PRPSAP1: variants seen among roughly 807,000 people sequenced by gnomAD.
The protein encoded by PRPSAP1 is phosphoribosyl pyrophosphate synthetase associated protein 1.
In PRPSAP1, 31 loss-of-function variants were observed where a neutral mutation model predicts 39.4. That is an observed-to-expected ratio of 0.79 (90% CI 0.59 to 1.06). PRPSAP1 has a LOEUF of 1.06. Among genes scored for constraint, PRPSAP1 ranks in the 50% least tolerant of loss-of-function variants. PRPSAP1 has a pLI of 0.00. For missense variants in PRPSAP1, 430 were observed against 511.6 expected (o/e 0.84, Z 1.54); for synonymous variants, 212 against 192.6 (o/e 1.10, Z -0.83).
At chr17:76,335,491 G>C (rs1301699189) in intron 3 of PRPSAP1, among the ~76,000 whole-genome samples, 1 of 152,076 alleles carries the variant, frequency 6.6e-6, no homozygotes, top group Non-Finnish European at 1.5e-5. Flanking sequence ...AAGTAGCGGG[G>C]ATTACAGGCA....
At chr17:76,337,545 G>A (rs1477816637) in intron 3 of PRPSAP1, 1 of 152,224 alleles carries the variant, frequency 6.6e-6, no homozygotes, top group African/African-American at 2.4e-5. Context: ...GAAGTAATGG[G>A]GGAGAATTTA....
chr17:76,318,326 T>C (rs888154237), intron 7 of PRPSAP1, among the ~76,000 whole-genome samples: 4 of 152,104 alleles, frequency 2.6e-5, no homozygotes, highest in African/African-American at 9.7e-5. Context: ...GTCAAGCACC[T>C]GTAATCCCAG....
In PRPSAP1 at chr17:76,328,799, G is replaced by A. The variant is rs2071283297; in HGVS notation, c.699C>T (p.Cys233=). 2 of 1,614,126 alleles carry A rather than the reference G, an allele frequency of 1.2e-6. No homozygotes were observed. Among genetic ancestry groups the A allele is most frequent in the South Asian group, 2.2e-5 (2 of 91,078 alleles). The change falls in exon 7 of 10, where the codon TGC becomes TGT. Residue 233 remains cysteine, a synonymous_variant. Coordinates refer to ENST00000446526, the MANE Select transcript of PRPSAP1 (RefSeq NM_002766.3). ...GACCATCGTCCATGTCCAGTTCCGT[G>A]CACTGAGCTTCCCCGTGAATGACGG... is the stretch of plus-strand genomic sequence containing the variant. The part of the protein sequence containing the change: ...GLAVIHGEAQ[C]TELDMDDGRH...
chr17:76,344,626 G>C (rs749691639), intron 3 of PRPSAP1, 45 bp downstream of exon 3: 1 of 1,358,644 alleles, frequency 7.4e-7, no homozygotes. Flanking sequence ...CAATTATATT[G>C]TTAAGGTTTT....
chr17:76,330,510 CTCTTT>C, intron 5 of PRPSAP1, 36 bp downstream of exon 5: 2 of 1,414,620 alleles, frequency 1.4e-6, no homozygotes, highest in Non-Finnish European at 2.0e-6. Flanking sequence ...TAAATAAGAT[CTCTTT>C]TGAGGACAAT....
chr17:76,352,644 C>CAAAAAAAAAAA (rs55986677), intron 1 of PRPSAP1, among the ~76,000 whole-genome samples: 99 of 52,988 alleles, frequency 1.9e-3, no homozygotes, highest in Non-Finnish European at 2.8e-3. Flanking sequence ...GACTCCGTCT[C>CAAAAAAAAAAA]AAAAAAAAAA....
At chr17:76,325,329 A>G (rs1298424735) in intron 7 of PRPSAP1, among the ~76,000 whole-genome samples, 3 of 139,632 alleles carry the variant, frequency 2.1e-5, no homozygotes, top group Non-Finnish European at 3.0e-5. Flanking sequence ...GAATGGCGTG[A>G]ACCCGGGAGG....
intron 7 of PRPSAP1, among the ~76,000 whole-genome samples, chr17:76,326,160 T>G (rs1392318921): frequency 6.6e-6 from 1 of 152,122 alleles, no homozygotes; most frequent in East Asian, 1.9e-4. Context: ...AATAGGCCTA[T>G]GAATCCATAC....
At chr17:76,341,187 T>C (rs1043403177) in intron 3 of PRPSAP1, among the ~76,000 whole-genome samples, 45 of 151,898 alleles carry the variant, frequency 3.0e-4, no homozygotes, top group African/African-American at 1.0e-3. Flanking sequence ...AAATTCCAGA[T>C]TACAATGCAG....
At chr17:76,320,392 C>T (rs1449007902) in intron 7 of PRPSAP1, among the ~76,000 whole-genome samples, 1 of 146,026 alleles carries the variant, frequency 6.8e-6, no homozygotes, top group African/African-American at 2.6e-5. Flanking sequence ...CATTTTATTG[C>T]ACTTTGCTTT....
rs1468601688 is a variant in PRPSAP1 at position 76,313,861 on chromosome 17, G to C, written c.812C>G (p.Thr271Ser). ...LMMAKEKPPITVVGDVGGRIA... is the reference protein window; with the variant it reads ...LMMAKEKPPISVVGDVGGRIA... Reference sequence around the variant, plus strand: ...GCGGCCTCCAACATCTCCAACTACAGTTATCGGTGGCTTCTCTTTGGCCAT... The same window carrying C: ...GCGGCCTCCAACATCTCCAACTACACTTATCGGTGGCTTCTCTTTGGCCAT... The change falls in exon 8 of 10, where the codon ACT becomes AGT. Residue 271 changes from threonine to serine, a missense_variant. Thr to Ser is a moderately conservative substitution (Grantham distance 58). Around this residue, in one of 2 missense-constraint regions of PRPSAP1, gnomAD observed 278 missense variants for 376.3 expected, o/e 0.74. Transcript: ENST00000446526. 6.2e-7 allele frequency: 1 copy of C among 1,614,152 alleles called. No individual in the cohort carries two copies. The highest frequency in any genetic ancestry group is 1.3e-5 in the African/African-American group (1 of 75,032).
intron 7 of PRPSAP1, among the ~76,000 whole-genome samples, chr17:76,321,187 TG>T: frequency 6.6e-6 from 1 of 152,158 alleles, no homozygotes; most frequent in African/African-American, 2.4e-5. Context: ...ACGTCTTTTC[TG>T]GTATCTGTAA....
chr17:76,331,752 T>C (rs930505289), intron 4 of PRPSAP1, among the ~76,000 whole-genome samples: 26 of 151,986 alleles, frequency 1.7e-4, no homozygotes, highest in African/African-American at 6.3e-4. Flanking sequence ...ATCAGATGAA[T>C]AGAAACCCAA....
chr17:76,330,859 C>T (rs770970390), intron 4 of PRPSAP1, among the ~76,000 whole-genome samples, 193 bp from the exon 5 acceptor site: 18 of 152,128 alleles, frequency 1.2e-4, no homozygotes, highest in Non-Finnish European at 1.9e-4. Context: ...CAACCTTCCA[C>T]ATGGACAAAG....
At chr17:76,313,556 A>G in intron 8 of PRPSAP1, 1 of 436,518 alleles carries the variant, frequency 2.3e-6, no homozygotes, top group East Asian at 3.7e-5. Context: ...GAGCTGGTTT[A>G]AAGAACCTAG....
chr17:76,353,928 C>T (rs1395250748), upstream of PRPSAP1: 40 of 1,318,990 alleles, frequency 3.0e-5, no homozygotes, highest in Non-Finnish European at 3.8e-5. Flanking sequence ...AGGCCACCGC[C>T]CCCTCCGGGC....
chr17:76,330,475 A>T (rs399029), intron 5 of PRPSAP1, 76 bp downstream of exon 5: 929,351 of 1,153,486 alleles, frequency 0.81, 376,271 homozygotes, highest in African/African-American at 0.93. Flanking sequence ...CCTTCCAGTA[A>T]CGAAATCTGA....
intron 4 of PRPSAP1, 52 bp downstream of exon 4, chr17:76,332,211 A>G: frequency 1.3e-6 from 2 of 1,582,464 alleles, no homozygotes; most frequent in Non-Finnish European, 1.7e-6. Flanking sequence ...TCCAACTAGG[A>G]AAGAGCCCTA....
intron 7 of PRPSAP1, chr17:76,314,126 A>G: frequency 1.8e-6 from 1 of 540,866 alleles, no homozygotes; most frequent in Non-Finnish European, 3.3e-6. Flanking sequence ...GCCACATTAA[A>G]AACAGATGAA....
Sources: gnomAD v4.1 joint callset for allele counts (sites outside exome capture counted in the v4.1 genomes callset) on GRCh38, gnomAD v4.1.1 for gene constraint, gnomAD v4.1.1 regional missense constraint, MANE v1.5 for transcripts, NCBI Gene and HGNC (gene_info 2026-07-23, HGNC 2026-07-21) for gene names.